NAALADL2: variants seen among roughly 807,000 people sequenced by gnomAD.
NAALADL2 encodes N-acetylated alpha-linked acidic dipeptidase like 2.
A neutral mutation model predicts 87.2 loss-of-function variants in NAALADL2; 76 were observed. That is an observed-to-expected ratio of 0.87 (90% CI 0.72 to 1.05). NAALADL2 has a LOEUF of 1.05. Among genes scored for constraint, NAALADL2 ranks in the 50% least tolerant of loss-of-function variants. NAALADL2 has a pLI of 0.00. For synonymous variants in NAALADL2, 354 were observed against 331.0 expected, an observed-to-expected ratio of 1.07 and a Z score of -0.75; for missense variants, 1,089 against 945.8, an observed-to-expected ratio of 1.15 and a Z score of -1.99.
chr3:174,741,503 G>A (rs370553819), intron 3 of NAALADL2, among the ~76,000 whole-genome samples: 1 of 151,324 alleles, frequency 6.6e-6, no homozygotes, highest in African/African-American at 2.4e-5. Flanking sequence ...CCTATCCTTG[G>A]AACTGAAATT....
At chr3:174,908,195 A>G (rs2108287789) in intron 1 of NAALADL2, among the ~76,000 whole-genome samples, 1 of 152,094 alleles carries the variant, frequency 6.6e-6, no homozygotes, top group South Asian at 2.1e-4. Context: ...AATGCCAGGA[A>G]GTCAGTTATT....
At chr3:175,101,644 A>C (rs9859106) in intron 2 of NAALADL2, among the ~76,000 whole-genome samples, 1 of 152,104 alleles carries the variant, frequency 6.6e-6, no homozygotes, top group Non-Finnish European at 1.5e-5. Flanking sequence ...ATCATAAGCA[A>C]ATTTCTGAGC....
At chr3:175,696,388 T>C (rs1416830669) in intron 11 of NAALADL2, among the ~76,000 whole-genome samples, 1 of 152,136 alleles carries the variant, frequency 6.6e-6, no homozygotes, top group Non-Finnish European at 1.5e-5. Flanking sequence ...AGAGAAAGAT[T>C]TCTTTTCCTT....
intron 13 of NAALADL2, among the ~76,000 whole-genome samples, chr3:175,786,441 T>A (rs1033215294): frequency 3.9e-5 from 6 of 152,192 alleles, no homozygotes; most frequent in Non-Finnish European, 8.8e-5. Flanking sequence ...CTCCTTCATT[T>A]CATTCATTTC....
intron 1 of NAALADL2, among the ~76,000 whole-genome samples, chr3:174,537,115 C>CTTGT (rs1721793110): frequency 6.6e-6 from 1 of 152,106 alleles, no homozygotes; most frequent in African/African-American, 2.4e-5. Context: ...TGCCATCATA[C>CTTGT]TAATGTTATT....
chr3:175,725,067 C>T (rs1268129135), intron 11 of NAALADL2, among the ~76,000 whole-genome samples: 1 of 152,022 alleles, frequency 6.6e-6, no homozygotes, highest in Non-Finnish European at 1.5e-5. Context: ...AAAGAGAAAA[C>T]TAAAACCACA....
At chr3:174,652,247 C>T (rs564400954) in intron 2 of NAALADL2, among the ~76,000 whole-genome samples, 1 of 152,266 alleles carries the variant, frequency 6.6e-6, no homozygotes, top group South Asian at 2.1e-4. Flanking sequence ...GTTAATTATA[C>T]TCTGTGAAGT....
chr3:175,790,533 G>A (rs926732712), intron 13 of NAALADL2, among the ~76,000 whole-genome samples: 2 of 152,136 alleles, frequency 1.3e-5, no homozygotes, highest in Non-Finnish European at 2.9e-5. Context: ...TTTTCTTTGA[G>A]TATTGTTCTG....
At chr3:175,718,481 C>A in intron 11 of NAALADL2, 1 of 1,584,572 alleles carries the variant, frequency 6.3e-7, no homozygotes, top group Non-Finnish European at 8.7e-7. Flanking sequence ...GCTGTATATT[C>A]GGTTTTCATA....
At chr3:175,160,360 C>CTTTTTTTTTTTTTTTTTTT (rs71164618) in intron 2 of NAALADL2, among the ~76,000 whole-genome samples, 4 of 57,034 alleles carry the variant, frequency 7.0e-5, no homozygotes, top group Non-Finnish European at 1.5e-4. Flanking sequence ...TCTTTTCTTT[C>CTTTTTTTTTTTTTTTTTTT]TTTTTTTTTT....
chr3:175,797,388 A>G (rs1296372214), intron 13 of NAALADL2, among the ~76,000 whole-genome samples: 1 of 152,142 alleles, frequency 6.6e-6, no homozygotes, highest in Non-Finnish European at 1.5e-5. Context: ...GTGTATGCAA[A>G]TAAGATAGTG....
At chr3:175,135,104 C>G (rs1728909253) in intron 2 of NAALADL2, among the ~76,000 whole-genome samples, 1 of 152,068 alleles carries the variant, frequency 6.6e-6, no homozygotes, top group Non-Finnish European at 1.5e-5. Flanking sequence ...GCTACTACTG[C>G]AAATAATGTT....
chr3:174,676,866 CAT>C (rs1408169481), intron 2 of NAALADL2, among the ~76,000 whole-genome samples: 2 of 151,768 alleles, frequency 1.3e-5, no homozygotes, highest in African/African-American at 4.8e-5. Context: ...AATAAGGAAA[CAT>C]ATTTATAGAA....
chr3:174,463,599 C>CTTTTT (rs57673935), intron 1 of NAALADL2, among the ~76,000 whole-genome samples: 3 of 121,508 alleles, frequency 2.5e-5, no homozygotes, highest in Non-Finnish European at 3.3e-5. Context: ...TAAAGATTAT[C>CTTTTT]TTTTTTTTTT....
At chr3:175,218,143 T>C (rs1580977031) in intron 2 of NAALADL2, 1 of 445,146 alleles carries the variant, frequency 2.2e-6, no homozygotes, top group Non-Finnish European at 4.5e-6. Context: ...TTATTATTTA[T>C]AAGCCAATAT....
chr3:174,875,517 G>A (rs1196655608), intron 1 of NAALADL2, among the ~76,000 whole-genome samples: 1 of 152,038 alleles, frequency 6.6e-6, no homozygotes, highest in Non-Finnish European at 1.5e-5. Context: ...GATTTTGATA[G>A]TAATCAGTAA....
chr3:175,149,806 C>T (rs1370815333), intron 2 of NAALADL2, among the ~76,000 whole-genome samples: 4 of 152,038 alleles, frequency 2.6e-5, no homozygotes, highest in African/African-American at 7.2e-5. Flanking sequence ...TTTACAGAAC[C>T]GGATTAGTGC....
At chr3:175,054,980 G>A (rs7612172) in intron 1 of NAALADL2, among the ~76,000 whole-genome samples, 12,245 of 150,320 alleles carry the variant, frequency 0.081, 1,627 homozygotes, top group African/African-American at 0.28. Context: ...GATATACTTC[G>A]GGGGCTTTAC....
intron 2 of NAALADL2, among the ~76,000 whole-genome samples, chr3:174,638,462 A>G (rs904422167): frequency 2.0e-5 from 3 of 152,178 alleles, no homozygotes; most frequent in African/African-American, 7.2e-5. Flanking sequence ...AGATTGATGC[A>G]TCTGAGGTGA....
Sources: gnomAD v4.1 joint callset for allele counts (sites outside exome capture counted in the v4.1 genomes callset) on GRCh38, gnomAD v4.1.1 for gene constraint, MANE v1.5 for transcripts, NCBI Gene and HGNC (gene_info 2026-07-23, HGNC 2026-07-21) for gene names.